ARSG: variants seen among roughly 807,000 people sequenced by gnomAD.
ARSG encodes ASG.
Under a neutral mutation model 50.5 loss-of-function variants are expected in ARSG, and 37 were observed. The ratio of observed to expected loss-of-function variants is 0.73; its 90% CI spans 0.56 to 0.96. ARSG has a LOEUF of 0.96. Among genes scored for constraint, ARSG ranks in the 50% least tolerant of loss-of-function variants. ARSG has a pLI of 0.00. For missense variants in ARSG, 629 were observed against 675.3 expected (o/e 0.93, Z 0.76); for synonymous variants, 225 against 254.6 (o/e 0.88, Z 1.11).
At chr17:68,287,279 A>G (rs1194046619), upstream of ARSG, among the ~76,000 whole-genome samples, 3 of 151,114 alleles carry the variant, frequency 2.0e-5, no homozygotes, top group African/African-American at 7.3e-5. Flanking sequence ...TCTAAACGAT[A>G]GTGCTGGGAT....
At chr17:68,346,646 C>T (rs776391585) in intron 3 of ARSG, 142 of 1,059,572 alleles carry the variant, frequency 1.3e-4, no homozygotes, top group Non-Finnish European at 1.6e-4. Flanking sequence ...GTAGGTGTCT[C>T]GGTGCTTGAA....
intron 5 of ARSG, among the ~76,000 whole-genome samples, chr17:68,352,626 C>T (rs1023187373): frequency 1.3e-5 from 2 of 151,790 alleles, no homozygotes; most frequent in African/African-American, 4.8e-5. Context: ...TCTCTTGCCT[C>T]AGCCTCTTGA....
chr17:68,326,858 G>C (rs1462996025), intron 2 of ARSG, among the ~76,000 whole-genome samples: 1 of 152,152 alleles, frequency 6.6e-6, no homozygotes, highest in African/African-American at 2.4e-5. Context: ...GTGGGTGGTT[G>C]TGCATCAAGC....
intron 8 of ARSG, among the ~76,000 whole-genome samples, chr17:68,373,202 C>T (rs558268028): frequency 6.6e-5 from 10 of 150,570 alleles, no homozygotes; most frequent in African/African-American, 2.2e-4. Flanking sequence ...CATGAGCCAC[C>T]GTGCCCGGCC....
the ARSG span, chr17:68,433,334 C>T: frequency 1.4e-5 from 12 of 855,100 alleles, no homozygotes; most frequent in African/African-American, 1.5e-4. Flanking sequence ...ACACACACTC[C>T]ATCACTTAGG....
At chr17:68,332,909 T>G (rs749503046) in intron 2 of ARSG, among the ~76,000 whole-genome samples, 9 of 152,198 alleles carry the variant, frequency 5.9e-5, no homozygotes, top group Non-Finnish European at 1.0e-4. Flanking sequence ...AGCTACAAAT[T>G]CTGACCAAAA....
chr17:68,426,140 C>T (rs1303558209), downstream of ARSG: 2 of 1,612,070 alleles, frequency 1.2e-6, no homozygotes, highest in Non-Finnish European at 8.5e-7. Context: ...TCAGGAATAA[C>T]TTCTCCTCGC....
Position 68,386,945 on chromosome 17 carries a change from G to A in ARSG, c.1091+1773G>A, listed in dbSNP as rs185274107. Among the ~76,000 whole-genome samples, 6 of 152,128 alleles carry A rather than the reference G, an allele frequency of 3.9e-5. No homozygotes were observed. The East Asian group carries it at 1.2e-3, about 29-fold the overall frequency. Reference sequence around the variant, plus strand: ...GCCTGAGGGCCCCAGAATTGTACCAGGATAATACCAACACACCGTATCGGT... The same window carrying A: ...GCCTGAGGGCCCCAGAATTGTACCAAGATAATACCAACACACCGTATCGGT... On this transcript the variant is annotated intron_variant, in intron 9 of 11. Transcript: ENST00000621439.
the ARSG span, chr17:68,428,941 G>T: frequency 1.2e-6 from 2 of 1,610,698 alleles, no homozygotes; most frequent in South Asian, 2.2e-5. Flanking sequence ...TGGATCCTAA[G>T]GGCCAAGGAA....
At chr17:68,409,411 T>C (rs2081901700) in intron 11 of ARSG, among the ~76,000 whole-genome samples, 1 of 150,342 alleles carries the variant, frequency 6.7e-6, no homozygotes, top group South Asian at 2.1e-4. Flanking sequence ...TTCTCAGGTT[T>C]GTCAAAGATC....
Position 68,370,505 on chromosome 17 carries a change from A to C in ARSG, c.963A>C (p.Gly321=). Residue 321 remains glycine, a synonymous_variant, in exon 8 of 12, where the codon GGA becomes GGC. Transcript: ENST00000621439. ...CGGGCAGTGTGGGTCCCTTCACTGGATTTTGGCAAACTCGTCAAGGTAAGG... is the reference window on the plus strand; with the variant it reads ...CGGGCAGTGTGGGTCCCTTCACTGGCTTTTGGCAAACTCGTCAAGGTAAGG... The part of the protein sequence containing the change: ...ELAGSVGPFT[G]FWQTRQGGSP... 6.2e-7 allele frequency: 1 copy of C among 1,613,848 alleles called. No individual in the cohort carries two copies. The highest frequency in any genetic ancestry group is 8.5e-7 in the Non-Finnish European group (1 of 1,179,950).
At position 68,395,422 on chromosome 17, in the gene ARSG, T is replaced by C. The variant is rs112427852; in HGVS notation, c.1212+229T>C. Among the ~76,000 whole-genome samples, 13,749 of 152,226 alleles carry C rather than the reference T, an allele frequency of 0.09. 1,514 individuals carry two copies. Among genetic ancestry groups the C allele is most frequent in the African/African-American group, 0.26 (10,662 of 41,506 alleles). On this transcript the variant is annotated intron_variant, in intron 10 of 11. Transcript: ENST00000621439. ...GACCAAGATGGTGAAACCTCACCTA[T>C]ACTAAAGATACAAAAATTAGCTGAG...
intron 2 of ARSG, among the ~76,000 whole-genome samples, chr17:68,330,632 G>T (rs1384832079): frequency 6.6e-6 from 1 of 152,112 alleles, no homozygotes; most frequent in African/African-American, 2.4e-5. Context: ...AGGAATAGCT[G>T]GTATGTAGGG....
At chr17:68,371,284 T>C (rs937074383) in intron 8 of ARSG, among the ~76,000 whole-genome samples, 2 of 128,416 alleles carry the variant, frequency 1.6e-5, no homozygotes, top group African/African-American at 6.1e-5. Context: ...AGATCTGCAC[T>C]CCAGCCTGGG....
At chr17:68,301,530 A>T (rs1555761890) in intron 1 of ARSG, among the ~76,000 whole-genome samples, 1 of 152,188 alleles carries the variant, frequency 6.6e-6, no homozygotes. Context: ...TCGCTCTAGC[A>T]CTGTCTCTCA....
chr17:68,349,382 G>A (rs1156632747), intron 4 of ARSG, among the ~76,000 whole-genome samples: 1 of 152,192 alleles, frequency 6.6e-6, no homozygotes, highest in South Asian at 2.1e-4. Context: ...TACAATGGCA[G>A]AGTTGAGTGG....
chr17:68,350,645 C>T (rs938463052), intron 4 of ARSG, among the ~76,000 whole-genome samples: 2 of 151,934 alleles, frequency 1.3e-5, no homozygotes, highest in African/African-American at 2.4e-5. Flanking sequence ...ATTAGCCGGG[C>T]GTGGTGGCAC....
intron 9 of ARSG, among the ~76,000 whole-genome samples, chr17:68,386,484 A>C (rs2080729981): frequency 6.6e-6 from 1 of 151,992 alleles, no homozygotes; most frequent in Non-Finnish European, 1.5e-5. Flanking sequence ...TCAGGGCCAA[A>C]GTATGGGGTG....
chr17:68,331,213 C>G (rs1452089397), intron 2 of ARSG, among the ~76,000 whole-genome samples: 2 of 40,988 alleles, frequency 4.9e-5, no homozygotes, highest in East Asian at 1.0e-3. Flanking sequence ...TTCTTTCTTT[C>G]TTTCTTTCTT....
Sources: gnomAD v4.1 joint callset for allele counts (sites outside exome capture counted in the v4.1 genomes callset) on GRCh38, gnomAD v4.1.1 for gene constraint, MANE v1.5 for transcripts, NCBI Gene and HGNC (gene_info 2026-07-23, HGNC 2026-07-21) for gene names.